ANXA2: variants seen among roughly 807,000 people sequenced by gnomAD.
The protein encoded by ANXA2 is annexin II.
In ANXA2, 28 loss-of-function variants were observed where a neutral mutation model predicts 47.3. The ratio of observed to expected loss-of-function variants is 0.59; its 90% CI spans 0.44 to 0.81. ANXA2 has a LOEUF of 0.81. Ranked by LOEUF, ANXA2 falls within the 40% of genes least tolerant of loss-of-function variation. The pLI, the probability that ANXA2 is intolerant of heterozygous loss-of-function variation, is 0.00. For missense variants in ANXA2, 384 were observed against 414.3 expected, an observed-to-expected ratio of 0.93 and a Z score of 0.64; for synonymous variants, 172 against 155.5, an observed-to-expected ratio of 1.11 and a Z score of -0.79.
intron 4 of ANXA2, chr15:60,362,868 A>C (rs558473241): frequency 9.9e-5 from 15 of 151,918 alleles, no homozygotes; most frequent in African/African-American, 3.6e-4. Context: ...CATATATCTA[A>C]TCTAAAACCA....
intron 3 of ANXA2, among the ~76,000 whole-genome samples, chr15:60,364,907 G>T (rs2062571512): frequency 6.6e-6 from 1 of 151,006 alleles, no homozygotes; most frequent in South Asian, 2.1e-4. Context: ...TTTAACTCGG[G>T]ATTTAATAGA....
Position 60,379,025 on chromosome 15 carries a change from A to G in ANXA2, c.148+3317T>C, listed in dbSNP as rs906523104. Among the ~76,000 whole-genome samples the G allele has an allele frequency of 9.9e-5, 15 of 152,052 alleles. No individual in the cohort carries two copies. The East Asian group carries it at 2.9e-3, about 29-fold the overall frequency. On this transcript the variant is annotated intron_variant, in intron 3 of 12. Coordinates refer to ENST00000451270, the MANE Select transcript of ANXA2 (RefSeq NM_004039.3). ...GCCAGGCGCGGTGGCTCACGGCTAT[A>G]ATCCCAGCACTTTGGGAGGCCAAAG...
intron 1 of ANXA2, chr15:60,396,533 C>T (rs983961612): frequency 2.0e-5 from 3 of 152,150 alleles, no homozygotes; most frequent in Non-Finnish European, 2.9e-5. Flanking sequence ...AAAAAAGTTC[C>T]AGAAAAATAT....
chr15:60,366,596 G>A (rs1439838880), intron 3 of ANXA2, among the ~76,000 whole-genome samples: 4 of 149,250 alleles, frequency 2.7e-5, no homozygotes, highest in African/African-American at 7.4e-5. Flanking sequence ...GAAGTGAGGA[G>A]CCCCTCCGTC....
At chr15:60,356,658 A>G (rs1031131953) in intron 6 of ANXA2, among the ~76,000 whole-genome samples, 13 of 152,188 alleles carry the variant, frequency 8.5e-5, no homozygotes, top group African/African-American at 3.1e-4. Flanking sequence ...AAAAAGTAAA[A>G]CAAAAAAGAA....
intron 7 of ANXA2, 94 bp downstream of exon 7, chr15:60,355,825 C>T (rs776764613): frequency 9.5e-6 from 10 of 1,054,970 alleles, no homozygotes; most frequent in Non-Finnish European, 1.5e-5. Context: ...GATGCAGGCA[C>T]AGGGGATTTA....
intron 3 of ANXA2, among the ~76,000 whole-genome samples, chr15:60,377,011 C>T (rs1243323828): frequency 2.0e-5 from 3 of 152,246 alleles, no homozygotes; most frequent in Non-Finnish European, 4.4e-5. Context: ...GGCCAGTCAT[C>T]GTCACATGGT....
intron 6 of ANXA2, 113 bp from the exon 7 acceptor site, chr15:60,356,111 G>T: frequency 1.3e-6 from 1 of 756,278 alleles, no homozygotes; most frequent in Non-Finnish European, 2.3e-6. Flanking sequence ...ACGTCAGCTG[G>T]ACATATCCAT....
intron 3 of ANXA2, 152 bp from the exon 4 acceptor site, chr15:60,364,675 G>A (rs1478778289): frequency 6.8e-6 from 4 of 585,082 alleles, no homozygotes; most frequent in African/African-American, 5.7e-5. Context: ...TATCTCTTTC[G>A]TCAGCATCCT....
chr15:60,397,743 A>C (rs1428414299), intron 1 of ANXA2, 200 bp downstream of exon 1: 54 of 525,366 alleles, frequency 1.0e-4, no homozygotes, highest in African/African-American at 3.2e-4. Flanking sequence ...GTGGCCCCTC[A>C]CCCCTGCCCC....
chr15:60,348,996 C>A, intron 12 of ANXA2, 79 bp downstream of exon 12: 1 of 1,569,714 alleles, frequency 6.4e-7, no homozygotes, highest in South Asian at 1.1e-5. Flanking sequence ...GCCACTCTGT[C>A]ATCATTCTGC....
chr15:60,347,549 T>C lies in ANXA2; in HGVS notation c.*81A>G, dbSNP rs1895774448. 1.4e-6 allele frequency: 2 copies of C among 1,436,012 alleles called. No individual in the cohort carries two copies. The highest frequency in any genetic ancestry group is 1.4e-5 in the African/African-American group (1 of 71,286). 89.0% of individuals were successfully genotyped at this position (1,436,012 alleles called of 1,614,324 possible). ...CTCACAGGGATGGCCACGGGGACTG[T>C]TATTCGCAAGCTGGTTTTCTAGACC... On this transcript the variant is annotated 3_prime_UTR_variant, in exon 13 of 13. Coordinates refer to ENST00000451270, the MANE Select transcript of ANXA2 (RefSeq NM_004039.3).
At chr15:60,372,034 A>C (rs2062717573) in intron 3 of ANXA2, among the ~76,000 whole-genome samples, 1 of 152,082 alleles carries the variant, frequency 6.6e-6, no homozygotes, top group East Asian at 1.9e-4. Flanking sequence ...GTGTAATCCC[A>C]GCTACTCGGG....
chr15:60,351,965 C>T, intron 9 of ANXA2, 146 bp from the exon 10 acceptor site: 1 of 646,856 alleles, frequency 1.5e-6, no homozygotes, highest in Non-Finnish European at 2.7e-6. Flanking sequence ...CCACGGTGAC[C>T]AGAGCCAACA....
intron 10 of ANXA2, 89 bp from the exon 11 acceptor site, chr15:60,351,340 A>G: frequency 7.8e-7 from 1 of 1,285,986 alleles, no homozygotes; most frequent in South Asian, 1.2e-5. Context: ...TGGGCCACAA[A>G]CCAGAAGTGA....
chr15:60,361,386 C>A, intron 4 of ANXA2: 1 of 244,282 alleles, frequency 4.1e-6, no homozygotes, highest in South Asian at 5.4e-5. Context: ...AGTAACACTC[C>A]GTGGAAGGCA....
At chr15:60,389,720 C>T (rs573269054) in intron 1 of ANXA2, among the ~76,000 whole-genome samples, 54 of 152,298 alleles carry the variant, frequency 3.5e-4, no homozygotes, top group African/African-American at 1.3e-3. Flanking sequence ...CAGAGCCCAG[C>T]CTTCAAAGAT....
chr15:60,375,823 C>T (rs984000934), intron 3 of ANXA2, among the ~76,000 whole-genome samples: 2 of 152,194 alleles, frequency 1.3e-5, no homozygotes, highest in East Asian at 3.9e-4. Context: ...GCACAATAAA[C>T]GAGTATGTAG....
intron 3 of ANXA2, among the ~76,000 whole-genome samples, chr15:60,368,270 C>G (rs2062662916): frequency 1.4e-5 from 2 of 143,780 alleles, no homozygotes; most frequent in South Asian, 4.4e-4. Flanking sequence ...ATGACCCTGC[C>G]AAATCCCCCT....
Sources: allele counts gnomAD v4.1 joint callset (sites outside exome capture counted in the v4.1 genomes callset), GRCh38; gene constraint gnomAD v4.1.1; transcripts MANE v1.5; gene names NCBI Gene and HGNC (gene_info 2026-07-23, HGNC 2026-07-21).